FMN2: variants seen among roughly 807,000 people sequenced by gnomAD.
FMN2 encodes formin-2.
FMN2 carries 51 observed loss-of-function variants against 142.3 expected under a neutral mutation model. That is an observed-to-expected ratio of 0.36 (90% CI 0.29 to 0.45). The LOEUF is 0.45. Ranked by LOEUF, FMN2 falls within the 20% of genes least tolerant of loss-of-function variation. FMN2 has a pLI of 1.00. For synonymous variants in FMN2, 882 were observed against 869.8 expected, an observed-to-expected ratio of 1.01 and a Z score of -0.25; for missense variants, 1,936 against 2,122.8, an observed-to-expected ratio of 0.91 and a Z score of 1.73.
intron 15 of FMN2, among the ~76,000 whole-genome samples, chr1:240,425,931 G>A (rs1352524402): frequency 6.6e-6 from 1 of 152,206 alleles, no homozygotes; most frequent in Non-Finnish European, 1.5e-5. Context: ...TAAGGGCAAA[G>A]CTGTAGTGCC....
chr1:240,129,779 G>C (rs1282735130), intron 2 of FMN2, among the ~76,000 whole-genome samples: 1 of 152,058 alleles, frequency 6.6e-6, no homozygotes, highest in East Asian at 1.9e-4. Context: ...TGGAATTACA[G>C]GCATGAGCCA....
rs1483919457 is a variant in FMN2, at chr1:240,296,210, TTTA to T, written c.4215+1328_4215+1330del. On this transcript the variant is annotated intron_variant, in intron 8 of 17. Coordinates refer to ENST00000319653, the MANE Select transcript of FMN2 (RefSeq NM_020066.5). ...ATGTAGTACTTTTTTTTTTTTTTTT[TTTA>T]ACAAAGGTGGTAGAGAAAGGGAGTA... 1.0e-3 allele frequency among the ~76,000 whole-genome samples: 97 copies of T among 97,026 alleles called. 2 individuals are homozygous for T. Among genetic ancestry groups the T allele is most frequent in the Middle Eastern group, 4.8e-3 (1 of 208 alleles). 63.7% of individuals were successfully genotyped at this position (97,026 alleles called of 152,430 possible).
At chr1:240,444,544 GTTTAT>G (rs67636938) in intron 16 of FMN2, among the ~76,000 whole-genome samples, 33,743 of 151,884 alleles carry the variant, frequency 0.22, 4,672 homozygotes, top group African/African-American at 0.39. Flanking sequence ...TAATTTACTG[GTTTAT>G]TTTACTTTGA....
intron 8 of FMN2, among the ~76,000 whole-genome samples, chr1:240,313,913 G>T (rs1226484066): frequency 6.6e-6 from 1 of 152,116 alleles, no homozygotes; most frequent in Non-Finnish European, 1.5e-5. Flanking sequence ...GGTGGAGGTT[G>T]CAGTGAGCCA....
chr1:240,178,441 CTTCTTCT>C lies in FMN2; in HGVS notation c.1930+376_1930+382del, dbSNP rs1175360264. 1.3e-3 allele frequency among the ~76,000 whole-genome samples: 176 copies of C among 134,556 alleles called. 3 individuals carry two copies. In the South Asian group the frequency reaches 0.032, roughly 24 times the overall value. 88.3% of individuals were successfully genotyped at this position (134,556 alleles called of 152,430 possible). ...TGTCCTTTTTTCCCCCCTTCTTCTT[CTTCTTCT>C]TTTTTTTTTTTTTTCTGGACAAGGT... On this transcript the variant is annotated intron_variant, in intron 3 of 17. Coordinates refer to ENST00000319653, the MANE Select transcript of FMN2 (RefSeq NM_020066.5).
rs571998248 is a variant in FMN2 at position 240,473,920 on chromosome 1, A to G, written c.5143-208A>G. ...ATTTTTAAAACTTTTTTTTTTCTCA[A>G]AAGTATTTGGCGATTTGTCTTGATA... On this transcript the variant is annotated intron_variant, in intron 17 of 17. Coordinates refer to ENST00000319653, the MANE Select transcript of FMN2 (RefSeq NM_020066.5). The surrounding 1 kb of genome is among the most constrained non-coding windows in gnomAD (Gnocchi z 4.3). Among the ~76,000 whole-genome samples, 2 of 151,610 alleles carry G rather than the reference A, an allele frequency of 1.3e-5. No individual in the cohort carries two copies. Among genetic ancestry groups the G allele is most frequent in the African/African-American group, 4.8e-5 (2 of 41,498 alleles).
intron 2 of FMN2, chr1:240,170,564 G>A: frequency 2.6e-6 from 4 of 1,562,272 alleles, no homozygotes; most frequent in Non-Finnish European, 3.5e-6. Flanking sequence ...AGATTTACTT[G>A]CAAAGGAAAG....
intron 14 of FMN2, among the ~76,000 whole-genome samples, chr1:240,384,324 T>C (rs1254326194): frequency 3.3e-5 from 5 of 152,170 alleles, no homozygotes; most frequent in Non-Finnish European, 7.4e-5. Context: ...GAAAGAAATA[T>C]ATTCTAGGCA....
intron 5 of FMN2, among the ~76,000 whole-genome samples, 163 bp downstream of exon 5, chr1:240,208,895 G>A (rs1020984224): frequency 8.5e-5 from 13 of 152,128 alleles, no homozygotes; most frequent in African/African-American, 3.1e-4. Context: ...GCTATTTAAA[G>A]CTTTAAGCTT....
intron 13 of FMN2, among the ~76,000 whole-genome samples, chr1:240,342,051 A>AG (rs1234611178): frequency 1.1e-4 from 17 of 152,312 alleles, no homozygotes; most frequent in African/African-American, 4.1e-4. Context: ...CAGTCCTCAC[A>AG]TAAGCCAAGA....
At chr1:240,150,938 G>C (rs545854049) in intron 2 of FMN2, among the ~76,000 whole-genome samples, 1 of 152,144 alleles carries the variant, frequency 6.6e-6, no homozygotes, top group Non-Finnish European at 1.5e-5. Context: ...ATGTTCAAAG[G>C]CAAAGAGATG....
intron 4 of FMN2, among the ~76,000 whole-genome samples, chr1:240,191,914 G>T (rs1421761715): frequency 6.6e-6 from 1 of 152,068 alleles, no homozygotes; most frequent in African/African-American, 2.4e-5. Context: ...TTGAAAGTCA[G>T]GTCTTTGAAC....
Position 240,208,473 on chromosome 1 carries a change from C to T in FMN2, c.3661C>T (p.Pro1221Ser), listed in dbSNP as rs751441075. ...GCCAGGTATGGGGATTCCACCTGCTCCAGCTCCCCCACTCCCTCCACCTGG... is the reference window on the plus strand; with the variant it reads ...GCCAGGTATGGGGATTCCACCTGCTTCAGCTCCCCCACTCCCTCCACCTGG... ...PLPGMGIPPAPAPPLPPPGTG... is the reference protein window; with the variant it reads ...PLPGMGIPPASAPPLPPPGTG... Residue 1221 changes from proline (P) to serine (S), a missense_variant, in exon 5 of 18, where the codon CCA becomes TCA. Coordinates refer to ENST00000319653, the MANE Select transcript of FMN2 (RefSeq NM_020066.5). 5 of 1,610,376 alleles carry T rather than the reference C, an allele frequency of 3.1e-6. No individual in the cohort carries two copies. In the African/African-American group the frequency reaches 6.7e-5, roughly 22 times the overall value.
At chr1:240,416,762 T>G (rs1413531345) in intron 15 of FMN2, among the ~76,000 whole-genome samples, 1 of 151,422 alleles carries the variant, frequency 6.6e-6, no homozygotes, top group East Asian at 1.9e-4. Flanking sequence ...CTCTCTTCTT[T>G]TTTTTTTTAA....
chr1:240,348,213 G>GTTGT (rs386370182), intron 13 of FMN2, among the ~76,000 whole-genome samples: 5 of 145,984 alleles, frequency 3.4e-5, no homozygotes, highest in African/African-American at 1.0e-4. Context: ...AGTATATGTT[G>GTTGT]TTTTTTTTAC....
At chr1:240,233,045 C>G (rs1558383332) in intron 6 of FMN2, among the ~76,000 whole-genome samples, 1 of 152,112 alleles carries the variant, frequency 6.6e-6, no homozygotes, top group Non-Finnish European at 1.5e-5. Context: ...TTCATTCATT[C>G]ACTGTAACAG....
At chr1:240,169,181 AATACC>A (rs1237300654) in intron 2 of FMN2, among the ~76,000 whole-genome samples, 2 of 152,190 alleles carry the variant, frequency 1.3e-5, no homozygotes, top group African/African-American at 4.8e-5. Flanking sequence ...ACAAACTCAA[AATACC>A]ATCCAACTAT....
chr1:240,335,919 A>AGG (rs1671538845), intron 13 of FMN2, among the ~76,000 whole-genome samples: 1 of 151,858 alleles, frequency 6.6e-6, no homozygotes, highest in Admixed American at 6.6e-5. Flanking sequence ...CGAGACAGGC[A>AGG]GATCACCTGA....
At chr1:240,317,629 G>A (rs1418022688) in intron 8 of FMN2, among the ~76,000 whole-genome samples, 2 of 152,112 alleles carry the variant, frequency 1.3e-5, no homozygotes, top group African/African-American at 4.8e-5. Context: ...ACTAACATTT[G>A]TTTAATCTTT....
Sources: gnomAD v4.1 joint callset for allele counts (sites outside exome capture counted in the v4.1 genomes callset) on GRCh38, gnomAD v4.1.1 for gene constraint, Gnocchi (gnomAD v3.1) non-coding constraint, MANE v1.5 for transcripts, NCBI Gene and HGNC (gene_info 2026-07-23, HGNC 2026-07-21) for gene names.